SMAP2: variants seen among roughly 807,000 people sequenced by gnomAD.
SMAP2 encodes stromal membrane-associated protein 2.
In SMAP2, 25 loss-of-function variants were observed where a neutral mutation model predicts 56.4. The ratio of observed to expected loss-of-function variants is 0.44; its 90% CI spans 0.32 to 0.62. The LOEUF is 0.62. Ranked by LOEUF, SMAP2 falls within the 20% of genes least tolerant of loss-of-function variation. SMAP2 has a pLI of 0.04. For missense variants in SMAP2, 388 were observed against 545.6 expected (o/e 0.71, Z 2.88); for synonymous variants, 157 against 181.7 (o/e 0.86, Z 1.09).
At position 40,422,169 on chromosome 1, in the gene SMAP2, C is replaced by T; in HGVS notation, c.*68C>T. On this transcript the variant is annotated 3_prime_UTR_variant, in exon 10 of 10. Transcript: ENST00000372718. ...TCTCCCCTTTCCACAGCCTCCACCC[C>T]TGACCCCCATCCTCTTTTCCTACCT... is the stretch of plus-strand genomic sequence containing the variant. 1 of 1,588,642 alleles carries T rather than the reference C, an allele frequency of 6.3e-7. No individual in the cohort carries two copies. The highest frequency in any genetic ancestry group is 8.6e-7 in the Non-Finnish European group (1 of 1,167,412).
chr1:40,348,481 G>T lies in SMAP2; in HGVS notation c.-83+3571G>T, dbSNP rs148492993. On this transcript the variant is annotated intron_variant, in intron 1 of 6. Coordinates refer to the SMAP2 transcript ENST00000435168. ...AGGCCGAGGTGGGTGGATCACCTGA[G>T]GTCAGGAGTTTGAGACCAGCCTGGC... Among the ~76,000 whole-genome samples, 48 of 152,212 alleles carry T rather than the reference G, an allele frequency of 3.2e-4. No individual in the cohort carries two copies. In the East Asian group the frequency reaches 8.9e-3, roughly 28 times the overall value.
intron 1 of SMAP2, among the ~76,000 whole-genome samples, chr1:40,358,143 C>T (rs1644444855): frequency 6.6e-6 from 1 of 152,008 alleles, no homozygotes; most frequent in East Asian, 1.9e-4. Context: ...AGATCTTTCA[C>T]TTCTTGGGTT....
chr1:40,409,726 G>A (rs374494205), intron 3 of SMAP2, 31 bp from the exon 4 acceptor site: 55 of 1,445,846 alleles, frequency 3.8e-5, no homozygotes, highest in Non-Finnish European at 8.8e-6. Context: ...TGAGAGGCTT[G>A]TTGGATTCAT....
chr1:40,393,576 T>G, intron 1 of SMAP2: 1 of 1,397,760 alleles, frequency 7.2e-7, no homozygotes, highest in South Asian at 1.3e-5. Flanking sequence ...GACAGAGTCT[T>G]GCTCTGTCGC....
At position 40,385,316 on chromosome 1, in the gene SMAP2, C is replaced by G. The variant is rs1478047059; in HGVS notation, c.103+11093C>G. On this transcript the variant is annotated intron_variant, in intron 1 of 9. Coordinates refer to ENST00000372718, the MANE Select transcript of SMAP2 (RefSeq NM_022733.3). The surrounding 1 kb of genome is among the most constrained non-coding windows in gnomAD (Gnocchi z 4.5). ...GTTGACCATAGCCCTCTTTTCCCCTCAGTTCATAGATTTCCTATAGGAATT... is the reference window on the plus strand; with the variant it reads ...GTTGACCATAGCCCTCTTTTCCCCTGAGTTCATAGATTTCCTATAGGAATT... Among the ~76,000 whole-genome samples, 1 of 152,168 alleles carries G rather than the reference C, an allele frequency of 6.6e-6. No individual in the cohort carries two copies. Among genetic ancestry groups the G allele is most frequent in the Non-Finnish European group, 1.5e-5 (1 of 68,026 alleles).
chr1:40,413,070 T>C lies in SMAP2; in HGVS notation c.457T>C (p.Leu153=), dbSNP rs1207229388. 3 of 1,613,380 alleles carry C rather than the reference T, an allele frequency of 1.9e-6. No individual in the cohort carries two copies. Among genetic ancestry groups the C allele is most frequent in the African/African-American group, 1.3e-5 (1 of 74,924 alleles). ...GAGCGAACCAGTTCCAGAAAAAAAATTGGAACCTGTTGTTTTTGAGAAGGT... is the reference window on the plus strand; with the variant it reads ...GAGCGAACCAGTTCCAGAAAAAAAACTGGAACCTGTTGTTTTTGAGAAGGT... The part of the protein sequence containing the change: ...RGSEPVPEKK[L]EPVVFEKVKM... The change falls in exon 5 of 10, where the codon TTG becomes CTG. Residue 153 remains leucine, a synonymous_variant. Coordinates refer to ENST00000372718, the MANE Select transcript of SMAP2 (RefSeq NM_022733.3).
chr1:40,348,100 C>T lies in SMAP2; in HGVS notation c.-83+3190C>T, dbSNP rs529442598. On this transcript the variant is annotated intron_variant, in intron 1 of 6. Transcript: ENST00000435168. ...TTGCTTGAGCTCAGGAGTTCAAGAC[C>T]AGCCTGGGCAACATAGCGTGACCTC... 5.9e-5 allele frequency among the ~76,000 whole-genome samples: 9 copies of T among 152,120 alleles called. No homozygotes were observed. In the South Asian group the frequency reaches 1.9e-3, roughly 32 times the overall value.
chr1:40,356,844 G>A (rs1644438672), intron 1 of SMAP2, among the ~76,000 whole-genome samples: 1 of 152,108 alleles, frequency 6.6e-6, no homozygotes, highest in African/African-American at 2.4e-5. Flanking sequence ...CTGTCTTTTG[G>A]ATAAAAGCCA....
chr1:40,357,803 A>G (rs1382287979), intron 1 of SMAP2, among the ~76,000 whole-genome samples: 3 of 152,142 alleles, frequency 2.0e-5, no homozygotes, highest in African/African-American at 7.2e-5. Flanking sequence ...TTTTGTGCCA[A>G]TGCCATGCTG....
chr1:40,381,571 T>G (rs1037372836), intron 1 of SMAP2, among the ~76,000 whole-genome samples: 3 of 152,122 alleles, frequency 2.0e-5, no homozygotes, highest in African/African-American at 4.8e-5. Flanking sequence ...GTGGGGATTC[T>G]TTAGTATATT....
upstream of SMAP2, among the ~76,000 whole-genome samples, chr1:40,371,713 T>C (rs1208629393): frequency 6.6e-6 from 1 of 152,190 alleles, no homozygotes; most frequent in Non-Finnish European, 1.5e-5. Flanking sequence ...GGAAATAAAA[T>C]CCTACCATGT....
At chr1:40,406,701 T>C in intron 1 of SMAP2, 35 bp from the exon 2 acceptor site, 1 of 1,580,094 alleles carries the variant, frequency 6.3e-7, no homozygotes, top group Non-Finnish European at 8.6e-7. Flanking sequence ...AATGTTGTAA[T>C]TTGTACTTTA....
rs1026041383 is a variant in SMAP2 at position 40,403,647 on chromosome 1, A to G, written c.104-3089A>G. 4 of 984,696 alleles carry G rather than the reference A, an allele frequency of 4.1e-6. No individual in the cohort carries two copies. In the Admixed American group the frequency reaches 2.5e-4, roughly 61 times the overall value. 61.0% of individuals were successfully genotyped at this position (984,696 alleles called of 1,614,324 possible). A position where few individuals can be genotyped will look rare whatever the true frequency, so the allele number is the denominator to read the frequency against. On this transcript the variant is annotated intron_variant, in intron 1 of 9. Coordinates refer to ENST00000372718, the MANE Select transcript of SMAP2 (RefSeq NM_022733.3). Reference sequence around the variant, plus strand: ...AAACCTTATTCTATACCACATCCTTATATATAGTCCTCAGTTATTGTCCCT... The same window carrying G: ...AAACCTTATTCTATACCACATCCTTGTATATAGTCCTCAGTTATTGTCCCT...
chr1:40,373,929 G>T lies in SMAP2; in HGVS notation c.-192G>T. On this transcript the variant is annotated 5_prime_UTR_variant, in exon 1 of 10. Coordinates refer to ENST00000372718, the MANE Select transcript of SMAP2 (RefSeq NM_022733.3). ...TAAGCCCGCCAAGGGGCGCCGCGCC[G>T]AGGGGCTGCGGAGTGGGGGACGGAC... 1 of 543,682 alleles carries T rather than the reference G, an allele frequency of 1.8e-6. No individual in the cohort carries two copies. The highest frequency in any genetic ancestry group is 3.2e-5 in the East Asian group (1 of 31,204). 33.7% of individuals were successfully genotyped at this position (543,682 alleles called of 1,614,324 possible). A position where few individuals can be genotyped will look rare whatever the true frequency, so the allele number is the denominator to read the frequency against.
chr1:40,413,824 T>TA (rs1644960741), intron 5 of SMAP2, among the ~76,000 whole-genome samples: 2 of 152,208 alleles, frequency 1.3e-5, no homozygotes, highest in Non-Finnish European at 2.9e-5. Flanking sequence ...TACCATCAGA[T>TA]ACCTACCTTT....
chr1:40,348,658 C>G (rs970449777), intron 1 of SMAP2, among the ~76,000 whole-genome samples: 21 of 151,652 alleles, frequency 1.4e-4, no homozygotes, highest in Admixed American at 1.4e-3. Context: ...GCCTGGGTGA[C>G]AGAGGGAGAC....
chr1:40,388,659 G>T (rs921296480), intron 1 of SMAP2, among the ~76,000 whole-genome samples: 3 of 152,148 alleles, frequency 2.0e-5, no homozygotes, highest in East Asian at 3.8e-4. Flanking sequence ...AAAACAGACC[G>T]CTCCGCTCTA....
chr1:40,377,436 C>T (rs953460577), intron 1 of SMAP2, among the ~76,000 whole-genome samples: 1 of 152,148 alleles, frequency 6.6e-6, no homozygotes, highest in South Asian at 2.1e-4. Context: ...TAAACCATTC[C>T]AGTAATTTCA....
At chr1:40,361,320 G>T (rs1328014515) in intron 1 of SMAP2, among the ~76,000 whole-genome samples, 1 of 152,024 alleles carries the variant, frequency 6.6e-6, no homozygotes, top group Non-Finnish European at 1.5e-5. Context: ...GAGCACTTGG[G>T]CCCCGAATGA....
Sources: gnomAD v4.1 joint callset for allele counts (sites outside exome capture counted in the v4.1 genomes callset) on GRCh38, gnomAD v4.1.1 for gene constraint, Gnocchi (gnomAD v3.1) non-coding constraint, MANE v1.5 for transcripts, NCBI Gene and HGNC (gene_info 2026-07-23, HGNC 2026-07-21) for gene names.